Variants in DNAH9 observed in about 807,000 individuals in gnomAD.
DNAH9 encodes the protein dynein axonemal heavy chain 9.
Under a neutral mutation model 471.6 loss-of-function variants are expected in DNAH9, and 345 were observed. The ratio of observed to expected loss-of-function variants is 0.73; its 90% CI spans 0.67 to 0.80. The LOEUF is 0.80. Among genes scored for constraint, DNAH9 ranks in the 30% least tolerant of loss-of-function variants. The pLI, the probability that DNAH9 is intolerant of heterozygous loss-of-function variation, is 0.00. For synonymous variants in DNAH9, 2,093 were observed against 2,123.6 expected, an observed-to-expected ratio of 0.99 and a Z score of 0.40; for missense variants, 5,407 against 5,609.2, an observed-to-expected ratio of 0.96 and a Z score of 1.15.
intron 17 of DNAH9, among the ~76,000 whole-genome samples, chr17:11,673,780 G>T (rs1332012338): frequency 6.6e-6 from 1 of 152,008 alleles, no homozygotes; most frequent in Non-Finnish European, 1.5e-5. Flanking sequence ...CTCCCTCCTT[G>T]CAAGATGTTA....
rs1974609679 is a variant in DNAH9 at position 11,934,001 on chromosome 17, T to A, written c.12419T>A (p.Leu4140Ter). 2 of 1,614,064 alleles carry A rather than the reference T, an allele frequency of 1.2e-6. No individual in the cohort carries two copies. Among genetic ancestry groups the A allele is most frequent in the Non-Finnish European group, 1.7e-6 (2 of 1,180,042 alleles). Residue 4140 changes from leucine (L) to a stop codon, truncating the protein, a stop_gained, in exon 65 of 69, where the codon TTA (leucine) becomes TAA (stop). Coordinates refer to ENST00000262442, the MANE Select transcript of DNAH9 (RefSeq NM_001372.4). LOFTEE classifies it high-confidence loss of function. ...GGGGAATTCATTCGACCAGAAATGT[T>A]AGAAGGAGAACTGTCTTTGGCCCCA... ...YLGEFIRPEM[L>*]EGELSLAPGF...
At chr17:11,695,194 G>A (rs1307783375) in intron 22 of DNAH9, among the ~76,000 whole-genome samples, 2 of 151,918 alleles carry the variant, frequency 1.3e-5, no homozygotes, top group South Asian at 4.1e-4. Flanking sequence ...GGCCACCTCG[G>A]AGCTTTCTTA....
Position 11,822,530 on chromosome 17 carries a change from C to T in DNAH9, c.8943C>T (p.Phe2981=). 1 of 1,614,184 alleles carries T rather than the reference C, an allele frequency of 6.2e-7. No individual in the cohort carries two copies. The highest frequency in any genetic ancestry group is 8.5e-7 in the Non-Finnish European group (1 of 1,180,034). The part of the protein sequence containing the change: ...AIVNCTAIHW[F]HEWPQQALES... ...TGAACTGCACAGCCATCCACTGGTT[C>T]CACGAGTGGCCTCAGCAAGCATTGG... Residue 2981 remains phenylalanine, a synonymous_variant, in exon 47 of 69, where the codon TTC becomes TTT. Coordinates refer to ENST00000262442, the MANE Select transcript of DNAH9 (RefSeq NM_001372.4).
In DNAH9 at chr17:11,910,154, C is replaced by T. The variant is rs187783679; in HGVS notation, c.11749+4345C>T. On this transcript the variant is annotated intron_variant, in intron 61 of 68. Coordinates refer to ENST00000262442, the MANE Select transcript of DNAH9 (RefSeq NM_001372.4). ...CCTGTAGTCCCAGCTACTGGGGAGG[C>T]TGAGGCAGGAGAATGGCATGAACCC... Among the ~76,000 whole-genome samples, 194 of 152,082 alleles carry T rather than the reference C, an allele frequency of 1.3e-3. 2 individuals carry two copies. Among genetic ancestry groups the T allele is most frequent in the Non-Finnish European group, 1.1e-3 (72 of 67,996 alleles).
chr17:11,671,268 C>T (rs1464935156), intron 17 of DNAH9, among the ~76,000 whole-genome samples: 1 of 152,084 alleles, frequency 6.6e-6, no homozygotes, highest in East Asian at 1.9e-4. Context: ...CAGATGACTC[C>T]CATAAAAAGA....
In DNAH9 at chr17:11,847,440, A is replaced by G. The variant is rs542700149; in HGVS notation, c.9508-6563A>G. ...TCTTCTACATAATGGTTAGCCAGTT[A>G]TCTCGGCACCATTTATTGAATAGGG... is the stretch of plus-strand genomic sequence containing the variant. On this transcript the variant is annotated intron_variant, in intron 49 of 68. Coordinates refer to ENST00000262442, the MANE Select transcript of DNAH9 (RefSeq NM_001372.4). Among the ~76,000 whole-genome samples, 26 of 152,232 alleles carry G rather than the reference A, an allele frequency of 1.7e-4. No homozygotes were observed. In the East Asian group the frequency reaches 4.8e-3, roughly 28 times the overall value.
intron 35 of DNAH9, among the ~76,000 whole-genome samples, chr17:11,762,770 G>GTTTGT (rs1193246497): frequency 0.032 from 2,875 of 90,654 alleles, 258 homozygotes; most frequent in Non-Finnish European, 0.047. Flanking sequence ...TTTTTTTTTT[G>GTTTGT]TTTTTTTTTT....
intron 7 of DNAH9, 127 bp downstream of exon 7, chr17:11,629,711 G>C: frequency 1.3e-6 from 1 of 761,170 alleles, no homozygotes. Context: ...CAGTGGTTTT[G>C]CTAATTATCC....
At chr17:11,936,921 A>C (rs544397547) in intron 65 of DNAH9, among the ~76,000 whole-genome samples, 1 of 151,992 alleles carries the variant, frequency 6.6e-6, no homozygotes, top group Non-Finnish European at 1.5e-5. Context: ...GTCATATCTG[A>C]TTTAGATGGA....
At chr17:11,827,491 G>A (rs2150946888) in intron 48 of DNAH9, among the ~76,000 whole-genome samples, 1 of 152,214 alleles carries the variant, frequency 6.6e-6, no homozygotes, top group South Asian at 2.1e-4. Flanking sequence ...CGTCTCACAA[G>A]AACTCACTAA....
chr17:11,668,255 G>A (rs2073908167), intron 15 of DNAH9, among the ~76,000 whole-genome samples: 1 of 152,180 alleles, frequency 6.6e-6, no homozygotes, highest in Admixed American at 6.5e-5. Flanking sequence ...TCTCTTTGTG[G>A]TTCATGTCTG....
intron 42 of DNAH9, among the ~76,000 whole-genome samples, chr17:11,794,842 TTGGAAATTCACAG>T (rs1364106257): frequency 3.3e-5 from 5 of 150,322 alleles, no homozygotes; most frequent in Non-Finnish European, 5.9e-5. Flanking sequence ...TATGACTCTC[TTGGAAATTCACAG>T]TGGATTTAAG....
Position 11,626,588 on chromosome 17 carries a change from C to T in DNAH9, c.1351-2829C>T, listed in dbSNP as rs941478246. Among the ~76,000 whole-genome samples the T allele has an allele frequency of 6.6e-6, 1 of 152,042 alleles. No homozygotes were observed. Among genetic ancestry groups the T allele is most frequent in the African/African-American group, 2.4e-5 (1 of 41,392 alleles). On this transcript the variant is annotated intron_variant, in intron 6 of 68. Coordinates refer to ENST00000262442, the MANE Select transcript of DNAH9 (RefSeq NM_001372.4). The surrounding 1 kb of genome is among the most constrained non-coding windows in gnomAD (Gnocchi z 4.3). Reference sequence around the variant, plus strand: ...CACAGGAAATGGCCATTTTTTAGGTCGAAATGATCCCGTATCAGCAATGTA... The same window carrying T: ...CACAGGAAATGGCCATTTTTTAGGTTGAAATGATCCCGTATCAGCAATGTA...
intron 45 of DNAH9, among the ~76,000 whole-genome samples, chr17:11,812,317 AT>A (rs1338313206): frequency 6.0e-5 from 9 of 151,072 alleles, no homozygotes; most frequent in African/African-American, 2.2e-4. Flanking sequence ...CCTGGCTCTG[AT>A]TAAATAATGT....
At chr17:11,669,990 CTT>C (rs749375555) in intron 17 of DNAH9, among the ~76,000 whole-genome samples, 196 bp downstream of exon 17, 7 of 152,096 alleles carry the variant, frequency 4.6e-5, no homozygotes, top group Non-Finnish European at 1.0e-4. Flanking sequence ...GATAAGGCCT[CTT>C]TGTTTTGTTT....
In DNAH9 at chr17:11,738,787, G is replaced by A. The variant is rs370831611; in HGVS notation, c.5815-93G>A. 12 of 1,100,242 alleles carry A rather than the reference G, an allele frequency of 1.1e-5. No homozygotes were observed. In the East Asian group the frequency reaches 1.2e-4, roughly 11 times the overall value. 68.2% of individuals were successfully genotyped at this position (1,100,242 alleles called of 1,614,324 possible). A position where few individuals can be genotyped will look rare whatever the true frequency, so the allele number is the denominator to read the frequency against. ...GAAAGGGTCCACAGGACAGTTCTTC[G>A]TGCTGTGTGTGACTACAGGGTTCCA... On this transcript the variant is annotated intron_variant, in intron 28 of 68. Coordinates refer to ENST00000262442, the MANE Select transcript of DNAH9 (RefSeq NM_001372.4).
chr17:11,608,419 T>C, intron 2 of DNAH9, 94 bp downstream of exon 2: 1 of 969,184 alleles, frequency 1.0e-6, no homozygotes, highest in Non-Finnish European at 1.6e-6. Flanking sequence ...TTCCTGACTC[T>C]GCACATCTCC....
intron 28 of DNAH9, among the ~76,000 whole-genome samples, chr17:11,736,163 G>A (rs1368197076): frequency 3.3e-5 from 5 of 152,006 alleles, no homozygotes; most frequent in South Asian, 2.1e-4. Flanking sequence ...TTTCTTCATC[G>A]GTAAAATGAA....
intron 50 of DNAH9, among the ~76,000 whole-genome samples, chr17:11,867,035 T>C (rs4792187): frequency 0.93 from 142,174 of 152,282 alleles, 66,836 homozygotes; most frequent in African/African-American, 0.97. Context: ...CACTGACCTG[T>C]GCCCACTCTC....
Sources: gnomAD v4.1 joint callset for allele counts (sites outside exome capture counted in the v4.1 genomes callset) on GRCh38, gnomAD v4.1.1 for gene constraint, Gnocchi (gnomAD v3.1) non-coding constraint, MANE v1.5 for transcripts, NCBI Gene and HGNC (gene_info 2026-07-23, HGNC 2026-07-21) for gene names.